Variants in SLC25A18 observed in about 807,000 individuals in gnomAD.
SLC25A18 encodes solute carrier family 25 member 18.
Under a neutral mutation model 31.1 loss-of-function variants are expected in SLC25A18, and 24 were observed. That is an observed-to-expected ratio of 0.77 (90% CI 0.56 to 1.08). The LOEUF (loss-of-function observed/expected upper bound fraction) is 1.08. SLC25A18 is among the 50% of genes least tolerant of loss of function. The pLI is 0.00. For missense variants in SLC25A18, 371 were observed against 418.5 expected (o/e 0.89, Z 0.99); for synonymous variants, 173 against 161.9 (o/e 1.07, Z -0.52).
Position 17,569,516 on chromosome 22 carries a change from CAG to C in SLC25A18, c.-263-404_-263-403del, listed in dbSNP as rs2057033037. The C allele has an allele frequency of 8.7e-6, 6 of 691,818 alleles. No individual in the cohort carries two copies. In the South Asian group the frequency reaches 3.9e-4, roughly 45 times the overall value. 42.9% of individuals were successfully genotyped at this position (691,818 alleles called of 1,614,324 possible). A position where few individuals can be genotyped will look rare whatever the true frequency, so the allele number is the denominator to read the frequency against. ...AAGAAAAGTGCATGAGACTGAGAAG[CAG>C]AGATTTGCTTCTGGCACCAAATGTC... is the stretch of plus-strand genomic sequence containing the variant. On this transcript the variant is annotated intron_variant, in intron 1 of 10. Transcript: ENST00000327451.
chr22:17,580,635 A>T (rs2057347235), intron 3 of SLC25A18: 1 of 1,003,370 alleles, frequency 1.0e-6, no homozygotes. Context: ...GAGAGGTCAC[A>T]GTCAGGATGC....
rs545326377 is a variant in SLC25A18 at position 17,563,626 on chromosome 22, T to C, written c.-351T>C. 3 of 977,390 alleles carry C rather than the reference T, an allele frequency of 3.1e-6. No homozygotes were observed. Among genetic ancestry groups the C allele is most frequent in the East Asian group, 1.1e-4 (1 of 8,770 alleles). The allele number at this position is 977,390 out of a possible 1,614,324, so 60.5% of individuals were successfully genotyped here. On this transcript the variant is annotated 5_prime_UTR_variant, in exon 1 of 11. Coordinates refer to ENST00000327451, the MANE Select transcript of SLC25A18 (RefSeq NM_031481.3). Reference sequence around the variant, plus strand: ...GGCTTTGCTTTGAGAAGGAACTGAGTAGGCAGTGAGAAGAGTCGAGTGAAG... The same window carrying C: ...GGCTTTGCTTTGAGAAGGAACTGAGCAGGCAGTGAGAAGAGTCGAGTGAAG...
In SLC25A18 at chr22:17,579,804, TG is replaced by T. The variant is rs2057325406; in HGVS notation, c.-140del. The stretch of plus-strand genomic sequence containing the variant: ...GCCGGGAAGGTGGCTCGGGCCAGGC[TG>T]CACTCAAAACCCGTGCTCTGTCCAC... On this transcript the variant is annotated 5_prime_UTR_variant, in exon 3 of 11. Coordinates refer to ENST00000327451, the MANE Select transcript of SLC25A18 (RefSeq NM_031481.3). 2 of 1,428,776 alleles carry T rather than the reference TG, an allele frequency of 1.4e-6. No homozygotes were observed. The highest frequency in any genetic ancestry group is 1.4e-5 in the African/African-American group (1 of 69,642). The allele number at this position is 1,428,776 out of a possible 1,614,324, so 88.5% of individuals were successfully genotyped here. A position where few individuals can be genotyped will look rare whatever the true frequency, so the allele number is the denominator to read the frequency against.
At chr22:17,587,547 T>A (rs1358559474) in intron 8 of SLC25A18, among the ~76,000 whole-genome samples, 1 of 152,222 alleles carries the variant, frequency 6.6e-6, no homozygotes, top group Non-Finnish European at 1.5e-5. Context: ...GGGTGTTTTG[T>A]GGCCCAAAGG....
chr22:17,585,632 T>TTTATTATTATTATTA (rs1321633226), intron 7 of SLC25A18, among the ~76,000 whole-genome samples: 1 of 140,898 alleles, frequency 7.1e-6, no homozygotes, highest in African/African-American at 2.7e-5. Flanking sequence ...TATTATTTAT[T>TTTATTATTATTATTA]TTATTATTAT....
intron 2 of SLC25A18, among the ~76,000 whole-genome samples, chr22:17,578,025 C>T (rs1315475275): frequency 6.7e-6 from 1 of 149,346 alleles, no homozygotes; most frequent in Non-Finnish European, 1.5e-5. Flanking sequence ...CGCTCTGTTG[C>T]CCAGGCTGGA....
chr22:17,587,055 C>A, intron 7 of SLC25A18, 81 bp from the exon 8 acceptor site: 1 of 1,499,258 alleles, frequency 6.7e-7, no homozygotes, highest in Non-Finnish European at 9.1e-7. Flanking sequence ...GTCCCAGGGG[C>A]AGGGATTGAG....
intron 7 of SLC25A18, chr22:17,585,265 C>T (rs928889768): frequency 2.0e-5 from 3 of 152,138 alleles, no homozygotes; most frequent in African/African-American, 7.2e-5. Flanking sequence ...TGGTACATGC[C>T]TGTAATCTCA....
chr22:17,571,263 A>T (rs2057080195), intron 2 of SLC25A18, among the ~76,000 whole-genome samples: 1 of 152,160 alleles, frequency 6.6e-6, no homozygotes, highest in African/African-American at 2.4e-5. Context: ...CCGGAGGGAC[A>T]ATCTGTGGTG....
chr22:17,573,273 G>A (rs1289052989), intron 2 of SLC25A18, among the ~76,000 whole-genome samples: 2 of 152,160 alleles, frequency 1.3e-5, no homozygotes, highest in East Asian at 3.9e-4. Context: ...TAGTTCTGGT[G>A]GTGGGATTCA....
At chr22:17,580,918 G>T (rs1356677356) in intron 3 of SLC25A18, 119 bp from the exon 4 acceptor site, 5 of 1,447,656 alleles carry the variant, frequency 3.5e-6, no homozygotes, top group Middle Eastern at 1.8e-4. Flanking sequence ...AGGGTCTCTG[G>T]ACACCTGTGG....
chr22:17,580,185 G>T lies in SLC25A18; in HGVS notation c.20+221G>T, dbSNP rs930999678. 9.1e-6 allele frequency: 4 copies of T among 439,846 alleles called. No individual in the cohort carries two copies. The Admixed American group carries it at 1.3e-4, about 14-fold the overall frequency. 27.2% of individuals were successfully genotyped at this position (439,846 alleles called of 1,614,324 possible). ...TTGTTCAACATAGTTTAATTGTTTG[G>T]GTTCATCTTCTCTAACTACAAAATT... is the stretch of plus-strand genomic sequence containing the variant. On this transcript the variant is annotated intron_variant, in intron 3 of 10. Coordinates refer to ENST00000327451, the MANE Select transcript of SLC25A18 (RefSeq NM_031481.3).
At chr22:17,575,248 G>A (rs1168104943) in intron 2 of SLC25A18, among the ~76,000 whole-genome samples, 5 of 152,140 alleles carry the variant, frequency 3.3e-5, no homozygotes, top group African/African-American at 1.2e-4. Context: ...CCGCTCAGTT[G>A]CCATTAAATG....
At chr22:17,563,832 C>G (rs1236680822) in intron 1 of SLC25A18, 119 bp downstream of exon 1, 2 of 533,444 alleles carry the variant, frequency 3.7e-6, no homozygotes, top group Middle Eastern at 9.2e-4. Context: ...ATTGTGAATA[C>G]AGAATACAGA....
chr22:17,588,083 A>C lies in SLC25A18; in HGVS notation c.730+4A>C. 1 of 1,613,942 alleles carries C rather than the reference A, an allele frequency of 6.2e-7. No individual in the cohort carries two copies. Among genetic ancestry groups the C allele is most frequent in the South Asian group, 1.1e-5 (1 of 91,024 alleles). On this transcript the variant is annotated splice_donor_region_variant and intron_variant, in intron 9 of 10. Coordinates refer to ENST00000327451, the MANE Select transcript of SLC25A18 (RefSeq NM_031481.3). ...GTCGCAGTGACGCCTCTAGATGGTA[A>C]GGAGTTGGGAGACGTGTCCTTTCTA... is the stretch of plus-strand genomic sequence containing the variant.
intron 7 of SLC25A18, 80 bp from the exon 8 acceptor site, chr22:17,587,056 A>G: frequency 6.7e-7 from 1 of 1,496,920 alleles, no homozygotes. Flanking sequence ...TCCCAGGGGC[A>G]GGGATTGAGA....
intron 5 of SLC25A18, chr22:17,581,619 C>T (rs1258707734): frequency 1.7e-6 from 1 of 577,774 alleles, no homozygotes; most frequent in East Asian, 2.9e-5. Context: ...CACCCCCCGC[C>T]ACCGCCTCAG....
chr22:17,584,815 C>T (rs916170668), intron 7 of SLC25A18, among the ~76,000 whole-genome samples: 1 of 140,488 alleles, frequency 7.1e-6, no homozygotes, highest in African/African-American at 2.8e-5. Flanking sequence ...AAAAGAAATG[C>T]CAATGACTGG....
intron 7 of SLC25A18, among the ~76,000 whole-genome samples, chr22:17,584,442 GGAAGGAGA>G (rs1365412965): frequency 1.9e-4 from 19 of 99,000 alleles, no homozygotes; most frequent in Middle Eastern, 4.5e-3. Context: ...AAGGAAGGAA[GGAAGGAGA>G]GAGAGAGAGA....
Sources: allele counts gnomAD v4.1 joint callset (sites outside exome capture counted in the v4.1 genomes callset), GRCh38; gene constraint gnomAD v4.1.1; transcripts MANE v1.5; gene names NCBI Gene and HGNC (gene_info 2026-07-23, HGNC 2026-07-21).